SIPA1L1: variants seen among roughly 807,000 people sequenced by gnomAD.
SIPA1L1 encodes signal induced proliferation associated 1 like 1.
SIPA1L1 carries 26 observed loss-of-function variants against 162.7 expected under a neutral mutation model. The ratio of observed to expected loss-of-function variants is 0.16; its 90% confidence interval spans 0.12 to 0.22. The LOEUF (loss-of-function observed/expected upper bound fraction) is 0.22, where lower values mean the gene tolerates loss of function less well. Among genes scored for constraint, SIPA1L1 ranks in the 10% least tolerant of loss-of-function variants. The pLI is 1.00. For missense variants in SIPA1L1, 1,874 were observed against 2,241.0 expected (o/e 0.84, Z 3.31); for synonymous variants, 829 against 837.4 (o/e 0.99, Z 0.17).
intron 5 of SIPA1L1, among the ~76,000 whole-genome samples, chr14:71,608,711 G>C (rs1188624740): frequency 6.6e-6 from 1 of 151,950 alleles, no homozygotes; most frequent in African/African-American, 2.4e-5. Context: ...CCTGACCAAC[G>C]TGGTGAAACC....
rs376244456 is a variant in SIPA1L1, at chr14:71,673,466, T to C, written c.3104+844T>C. ...CAAGACAGTGTTCTGTGTCCTATTT[T>C]GCCACTAAGATGACCAGTCCTACAC... On this transcript the variant is annotated intron_variant, in intron 12 of 23. Transcript: ENST00000381232. Among the ~76,000 whole-genome samples the C allele has an allele frequency of 3.2e-4, 49 of 152,378 alleles. No individual in the cohort carries two copies. The East Asian group carries it at 7.1e-3, about 22-fold the overall frequency.
At chr14:71,431,716 A>T (rs2044005718) in intron 2 of SIPA1L1, among the ~76,000 whole-genome samples, 1 of 152,012 alleles carries the variant, frequency 6.6e-6, no homozygotes, top group Non-Finnish European at 1.5e-5. Context: ...AATAAATAAA[A>T]ATAAATCACA....
At chr14:71,433,611 C>G (rs564659239) in intron 2 of SIPA1L1, among the ~76,000 whole-genome samples, 1 of 152,276 alleles carries the variant, frequency 6.6e-6, no homozygotes, top group African/African-American at 2.4e-5. Flanking sequence ...GCCACTGCAC[C>G]TAGTGCTTGT....
At chr14:71,428,962 A>G (rs999597928) in intron 2 of SIPA1L1, among the ~76,000 whole-genome samples, 1 of 152,208 alleles carries the variant, frequency 6.6e-6, no homozygotes, top group African/African-American at 2.4e-5. Context: ...CAAGTTTTCC[A>G]TAGATTCCAC....
intron 12 of SIPA1L1, among the ~76,000 whole-genome samples, chr14:71,679,221 G>A (rs1269485001): frequency 4.6e-5 from 7 of 152,248 alleles, no homozygotes; most frequent in African/African-American, 1.7e-4. Context: ...AAGCCCATCA[G>A]ACTAACAGTG....
chr14:71,685,681 A>G (rs1596971786), intron 13 of SIPA1L1, 50 bp downstream of exon 13: 1 of 1,600,970 alleles, frequency 6.2e-7, no homozygotes, highest in South Asian at 1.1e-5. Context: ...CCCAAATGTA[A>G]GTAACACAGA....
intron 2 of SIPA1L1, among the ~76,000 whole-genome samples, chr14:71,376,188 T>C (rs1168873946): frequency 6.6e-6 from 1 of 152,176 alleles, no homozygotes; most frequent in Non-Finnish European, 1.5e-5. Context: ...TGAAATATTT[T>C]AAATAACAGA....
chr14:71,723,693 G>T lies in SIPA1L1; in HGVS notation c.4255G>T (p.Ala1419Ser). 2 of 1,614,174 alleles carry T rather than the reference G, an allele frequency of 1.2e-6. No individual in the cohort carries two copies. The highest frequency in any genetic ancestry group is 1.7e-6 in the Non-Finnish European group (2 of 1,180,030). The change falls in exon 18 of 24, where the codon GCC (alanine) becomes TCC (serine). Residue 1419 changes from alanine to serine, a missense_variant. By Grantham distance (99) the Ala-to-Ser change is moderately conservative (BLOSUM62 1). Transcript: ENST00000381232. ...HSASPVVFTS[A>S]RSSPKEELHP... Reference sequence around the variant, plus strand: ...TGCCAGCCCAGTGGTTTTCACCAGTGCCCGGAGTTCACCTAAAGAAGAGCT... The same window carrying T: ...TGCCAGCCCAGTGGTTTTCACCAGTTCCCGGAGTTCACCTAAAGAAGAGCT...
chr14:71,374,600 T>G (rs956063531), intron 2 of SIPA1L1, among the ~76,000 whole-genome samples: 5 of 151,974 alleles, frequency 3.3e-5, no homozygotes, highest in African/African-American at 1.2e-4. Flanking sequence ...CATGCCTGGT[T>G]TAAATTGTAA....
At chr14:71,641,564 C>T (rs1410807068) in intron 7 of SIPA1L1, among the ~76,000 whole-genome samples, 2 of 151,970 alleles carry the variant, frequency 1.3e-5, no homozygotes, top group Non-Finnish European at 1.5e-5. Context: ...CTACTAAAAA[C>T]ACAAAAAAAT....
At chr14:71,698,346 A>G (rs1169832131) in intron 13 of SIPA1L1, among the ~76,000 whole-genome samples, 1 of 152,240 alleles carries the variant, frequency 6.6e-6, no homozygotes, top group Non-Finnish European at 1.5e-5. Context: ...AAACAGATAC[A>G]TGAGGTGCCC....
rs758640725 is a variant in SIPA1L1, at chr14:71,589,091, A to T, written c.1219A>T (p.Ser407Cys). ...CAGCATGGACCAGGGAGATGATAAA[A>T]GCAATGAGCTTGTAATGAGCTGTCC... ...SLSMDQGDDKSNELVMSCPYF... is the reference protein window; with the variant it reads ...SLSMDQGDDKCNELVMSCPYF... The change falls in exon 5 of 24, where the codon AGC (serine) becomes TGC (cysteine). Residue 407 changes from serine (S) to cysteine (C), a missense_variant. Ser to Cys is a moderately radical substitution (Grantham distance 112). Coordinates refer to ENST00000381232, the MANE Select transcript of SIPA1L1 (RefSeq NM_001386936.1). 6.2e-7 allele frequency: 1 copy of T among 1,614,168 alleles called. No individual in the cohort carries two copies. The highest frequency in any genetic ancestry group is 1.1e-5 in the South Asian group (1 of 91,088).
chr14:71,507,262 TTTG>T (rs1303045496), intron 2 of SIPA1L1, among the ~76,000 whole-genome samples: 1 of 152,144 alleles, frequency 6.6e-6, no homozygotes, highest in African/African-American at 2.4e-5. Flanking sequence ...GGAGGGAAAT[TTTG>T]TTGTTGATTT....
intron 17 of SIPA1L1, among the ~76,000 whole-genome samples, chr14:71,720,631 T>C (rs533041915): frequency 1.5e-4 from 23 of 152,290 alleles, no homozygotes; most frequent in African/African-American, 5.5e-4. Flanking sequence ...TTCATTCTTA[T>C]TCTTTTTTCT....
intron 2 of SIPA1L1, among the ~76,000 whole-genome samples, chr14:71,326,803 C>T (rs993580251): frequency 1.3e-4 from 20 of 149,908 alleles, no homozygotes; most frequent in Non-Finnish European, 2.7e-4. Context: ...CCTCTGCCTC[C>T]TGGGTTCAAG....
At chr14:71,529,885 G>A (rs2053263490) in intron 4 of SIPA1L1, among the ~76,000 whole-genome samples, 1 of 152,218 alleles carries the variant, frequency 6.6e-6, no homozygotes, top group Non-Finnish European at 1.5e-5. Flanking sequence ...GCTTCTCATG[G>A]TTAGGACAGA....
intron 2 of SIPA1L1, among the ~76,000 whole-genome samples, chr14:71,424,087 A>G (rs867007702): frequency 1.3e-5 from 2 of 152,062 alleles, no homozygotes; most frequent in Non-Finnish European, 2.9e-5. Context: ...GTCCATTGAT[A>G]AGTATATAGA....
rs372373349 is a variant in SIPA1L1, at chr14:71,671,703, C to G, written c.2829+11C>G. 11 of 1,549,526 alleles carry G rather than the reference C, an allele frequency of 7.1e-6. No homozygotes were observed. In the African/African-American group the frequency reaches 1.4e-4, roughly 19 times the overall value. ...GTCAAAAGGTTGCAGGTGAGTCTCTCCTTCCTCTTCCTTACATGCAGTTTC... is the reference window on the plus strand; with the variant it reads ...GTCAAAAGGTTGCAGGTGAGTCTCTGCTTCCTCTTCCTTACATGCAGTTTC... On this transcript the variant is annotated intron_variant, in intron 11 of 23. Transcript: ENST00000381232.
intron 2 of SIPA1L1, among the ~76,000 whole-genome samples, chr14:71,400,295 G>A (rs900467296): frequency 1.3e-5 from 2 of 152,124 alleles, no homozygotes; most frequent in African/African-American, 2.4e-5. Context: ...TTCTGGAATT[G>A]TGCCATTTCA....
Sources: allele counts gnomAD v4.1 joint callset (sites outside exome capture counted in the v4.1 genomes callset), GRCh38; gene constraint gnomAD v4.1.1; transcripts MANE v1.5; gene names NCBI Gene and HGNC (gene_info 2026-07-23, HGNC 2026-07-21).